SLA: variants seen among roughly 807,000 people sequenced by gnomAD.
SLA encodes the protein Src like adaptor.
Under a neutral mutation model 30.3 loss-of-function variants are expected in SLA, and 16 were observed. That is an observed-to-expected ratio of 0.53 (90% CI 0.36 to 0.80). SLA has a LOEUF of 0.80. Among genes scored for constraint, SLA ranks in the 30% least tolerant of loss-of-function variants. SLA has a pLI of 0.01. For synonymous variants in SLA, 143 were observed against 137.8 expected, an observed-to-expected ratio of 1.04 and a Z score of -0.26; for missense variants, 310 against 345.2, an observed-to-expected ratio of 0.90 and a Z score of 0.81.
intron 1 of SLA, 53 bp from the exon 2 acceptor site, chr8:133,075,183 C>A: frequency 1.1e-6 from 1 of 925,002 alleles, no homozygotes; most frequent in Non-Finnish European, 1.3e-6. Flanking sequence ...GAGAATATGG[C>A]CAGCTTAACT....
chr8:133,095,056 C>G, intron 1 of SLA: 1 of 1,613,762 alleles, frequency 6.2e-7, no homozygotes, highest in Non-Finnish European at 8.5e-7. Context: ...AGGCTCCGCA[C>G]TCTCCCCGGC....
intron 3 of SLA, 35 bp downstream of exon 3, chr8:133,060,065 A>G: frequency 1.3e-6 from 2 of 1,548,776 alleles, no homozygotes; most frequent in Non-Finnish European, 1.7e-6. Context: ...CTTGTAGCAC[A>G]GACTCAAGCA....
At chr8:133,042,678 C>CTTTTT (rs58739514) in intron 7 of SLA, among the ~76,000 whole-genome samples, 1,435 of 56,618 alleles carry the variant, frequency 0.025, 156 homozygotes, top group Non-Finnish European at 0.031. Flanking sequence ...CATTCTGTGT[C>CTTTTT]TTTTTTTTTT....
Position 133,093,141 on chromosome 8 carries a change from T to TTTCTTTTC in SLA, c.-319+9411_-319+9412insGAAAAGAA, listed in dbSNP as rs5895175. ...TGTGTTTTCTTTTCTTTTCTTTTCT[T>TTTCTTTTC]TTTTTTTTTTAATTTAAAGTACATC... On this transcript the variant is annotated intron_variant, in intron 1 of 8. Transcript: ENST00000338087. Among the ~76,000 whole-genome samples, 96 of 116,392 alleles carry TTTCTTTTC rather than the reference T, an allele frequency of 8.2e-4. 1 individual carries two copies. The highest frequency in any genetic ancestry group is 4.2e-3 in the East Asian group (21 of 4,976). The allele number at this position is 116,392 out of a possible 152,430, so 76.4% of individuals were successfully genotyped here. A position where few individuals can be genotyped will look rare whatever the true frequency, so the allele number is the denominator to read the frequency against.
At chr8:133,049,874 A>C (rs763734378) in intron 5 of SLA, 28 bp downstream of exon 5, 21 of 1,407,770 alleles carry the variant, frequency 1.5e-5, no homozygotes, top group Non-Finnish European at 2.0e-5. Flanking sequence ...ATCATGCTTA[A>C]TTGCTGCCAT....
chr8:133,095,355 C>G (rs1175008890), intron 1 of SLA: 1 of 1,134,742 alleles, frequency 8.8e-7, no homozygotes, highest in African/African-American at 1.5e-5. Flanking sequence ...CATTCCCTAG[C>G]CCCTAGAGCT....
intron 1 of SLA, among the ~76,000 whole-genome samples, chr8:133,087,109 C>T (rs1034447187): frequency 8.1e-6 from 1 of 122,788 alleles, no homozygotes; most frequent in Non-Finnish European, 1.8e-5. Flanking sequence ...CACACACACA[C>T]ACACACACAC....
chr8:133,081,135 G>C (rs1845681110), intron 1 of SLA, among the ~76,000 whole-genome samples: 1 of 152,230 alleles, frequency 6.6e-6, no homozygotes, highest in Non-Finnish European at 1.5e-5. Context: ...CTGGTCTCCT[G>C]GTCTAGCGCA....
chr8:133,072,440 GGATAGATGGATAGATA>G (rs766414794), intron 2 of SLA, among the ~76,000 whole-genome samples: 30 of 152,004 alleles, frequency 2.0e-4, no homozygotes, highest in Non-Finnish European at 3.5e-4. Flanking sequence ...AGGGATAGAT[GGATAGATGGATAGATA>G]GATAGATGGA....
chr8:133,048,282 G>A (rs147359055), intron 5 of SLA, among the ~76,000 whole-genome samples: 95 of 152,082 alleles, frequency 6.2e-4, no homozygotes, highest in African/African-American at 2.0e-3. Flanking sequence ...GAACAGTGGC[G>A]TGACCTTGGT....
At position 133,038,357 on chromosome 8, in the gene SLA, C is replaced by G; in HGVS notation, c.*167G>C. The G allele has an allele frequency of 1.6e-6, 1 of 621,940 alleles. No homozygotes were observed. Among genetic ancestry groups the G allele is most frequent in the Non-Finnish European group, 2.9e-6 (1 of 349,560 alleles). 38.5% of individuals were successfully genotyped at this position (621,940 alleles called of 1,614,324 possible). On this transcript the variant is annotated 3_prime_UTR_variant, in exon 9 of 9. Transcript: ENST00000338087. Reference sequence around the variant, plus strand: ...GACACCAGGGAGGGGTTCCTTTGGTCATGATGTGGATAGAGAAGATGCGAA... The same window carrying G: ...GACACCAGGGAGGGGTTCCTTTGGTGATGATGTGGATAGAGAAGATGCGAA...
chr8:133,046,738 G>T (rs1462760146), intron 6 of SLA, among the ~76,000 whole-genome samples: 1 of 152,192 alleles, frequency 6.6e-6, no homozygotes, highest in Non-Finnish European at 1.5e-5. Context: ...AGGATGTTTT[G>T]CTTTTGCATT....
intron 2 of SLA, chr8:133,072,976 T>G (rs1283114518): frequency 6.6e-6 from 1 of 152,236 alleles, no homozygotes; most frequent in Non-Finnish European, 1.5e-5. Context: ...CTAGGAAATG[T>G]AAAAGGGATT....
At position 133,038,472 on chromosome 8, in the gene SLA, A is replaced by C; in HGVS notation, c.*52T>G. On this transcript the variant is annotated 3_prime_UTR_variant, in exon 9 of 9. Coordinates refer to ENST00000338087, the MANE Select transcript of SLA (RefSeq NM_001045556.3). ...CTCGCTTTTCGCAAGATCCCAGGCAATAGTTGGAACTTCTGTTCCTTTTGG... is the reference window on the plus strand; with the variant it reads ...CTCGCTTTTCGCAAGATCCCAGGCACTAGTTGGAACTTCTGTTCCTTTTGG... 2 of 1,391,340 alleles carry C rather than the reference A, an allele frequency of 1.4e-6. No individual in the cohort carries two copies. Among genetic ancestry groups the C allele is most frequent in the Non-Finnish European group, 2.0e-6 (2 of 977,966 alleles). 86.2% of individuals were successfully genotyped at this position (1,391,340 alleles called of 1,614,324 possible).
chr8:133,096,208 C>G (rs778099377), intron 1 of SLA: 1 of 1,614,238 alleles, frequency 6.2e-7, no homozygotes, highest in South Asian at 1.1e-5. Context: ...CAATGCAGCT[C>G]CTGGCCGTGA....
chr8:133,096,617 A>G (rs1848456353), intron 1 of SLA, among the ~76,000 whole-genome samples: 1 of 152,152 alleles, frequency 6.6e-6, no homozygotes, highest in African/African-American at 2.4e-5. Flanking sequence ...ACTGGAGCTG[A>G]CCCAGAAGCT....
intron 3 of SLA, among the ~76,000 whole-genome samples, chr8:133,056,702 G>T (rs1220962928): frequency 2.0e-5 from 3 of 152,240 alleles, no homozygotes; most frequent in Non-Finnish European, 4.4e-5. Context: ...GTCTGCATAT[G>T]TAAAGCACTG....
intron 2 of SLA, among the ~76,000 whole-genome samples, chr8:133,064,758 C>T (rs1842828755): frequency 6.6e-6 from 1 of 152,226 alleles, no homozygotes; most frequent in African/African-American, 2.4e-5. Context: ...TCTGCATTAT[C>T]TCATAAATCC....
intron 7 of SLA, among the ~76,000 whole-genome samples, chr8:133,042,604 T>C (rs1838466173): frequency 6.7e-6 from 1 of 149,492 alleles, no homozygotes; most frequent in Non-Finnish European, 1.5e-5. Context: ...AAAGGCATCA[T>C]GATGAAAATT....
Sources: gnomAD v4.1 joint callset for allele counts (sites outside exome capture counted in the v4.1 genomes callset) on GRCh38, gnomAD v4.1.1 for gene constraint, MANE v1.5 for transcripts, NCBI Gene and HGNC (gene_info 2026-07-23, HGNC 2026-07-21) for gene names.